The following NOS2 variants were observed in gnomAD, a reference collection of about 807,000 sequenced individuals.
NOS2 encodes nitric oxide synthase 2.
A neutral mutation model predicts 136.0 loss-of-function variants in NOS2; 96 were observed. The ratio of observed to expected loss-of-function variants is 0.71; its 90% CI spans 0.60 to 0.84. The LOEUF is 0.84. Ranked by LOEUF, NOS2 falls within the 40% of genes least tolerant of loss-of-function variation. The pLI, the probability that NOS2 is intolerant of heterozygous loss-of-function variation, is 0.00. For missense variants in NOS2, 1,237 were observed against 1,496.9 expected, an observed-to-expected ratio of 0.83 and a Z score of 2.87; for synonymous variants, 539 against 587.5, an observed-to-expected ratio of 0.92 and a Z score of 1.20.
intron 6 of NOS2, 109 bp from the exon 7 acceptor site, chr17:27,782,215 C>A: frequency 1.1e-6 from 1 of 882,168 alleles, no homozygotes; most frequent in Non-Finnish European, 1.8e-6. Flanking sequence ...ACTCAACACA[C>A]AAACACTCAA....
intron 18 of NOS2, among the ~76,000 whole-genome samples, chr17:27,767,112 G>A (rs758351886): frequency 1.4e-4 from 22 of 151,914 alleles, no homozygotes; most frequent in East Asian, 3.8e-4. Context: ...GGAAAGTCCC[G>A]GGACATCTCC....
Position 27,773,265 on chromosome 17 carries a change from T to C in NOS2, c.1477-22A>G, listed in dbSNP as rs750865955. 2.5e-6 allele frequency: 4 copies of C among 1,593,050 alleles called. No homozygotes were observed. In the African/African-American group the frequency reaches 5.4e-5, roughly 21 times the overall value. On this transcript the variant is annotated intron_variant, in intron 12 of 26. Transcript: ENST00000313735. ...CTACCTTCAGAAAAGAAAGGAGATGTGAGGGCAGGGCGGGGTCCTGGCTTG... is the reference window on the plus strand; with the variant it reads ...CTACCTTCAGAAAAGAAAGGAGATGCGAGGGCAGGGCGGGGTCCTGGCTTG...
intron 19 of NOS2, 39 bp downstream of exon 19, chr17:27,766,471 G>A (rs200382628): frequency 3.3e-5 from 49 of 1,501,660 alleles, no homozygotes; most frequent in Non-Finnish European, 4.4e-5. Flanking sequence ...AAATAAAATC[G>A]ACAGAGTATC....
chr17:27,762,109 G>C (rs1027742489), intron 22 of NOS2, among the ~76,000 whole-genome samples: 1 of 152,086 alleles, frequency 6.6e-6, no homozygotes, highest in Admixed American at 6.5e-5. Flanking sequence ...CCACCTGGAC[G>C]AGATGTTGGC....
intron 14 of NOS2, among the ~76,000 whole-genome samples, chr17:27,771,667 C>T (rs994132029): frequency 6.6e-6 from 1 of 152,274 alleles, no homozygotes; most frequent in African/African-American, 2.4e-5. Flanking sequence ...CTCCCAGAAG[C>T]CGTGCGACCC....
chr17:27,769,105 C>T lies in NOS2; in HGVS notation c.1906G>A (p.Ala636Thr), dbSNP rs201531464. The change falls in exon 17 of 27, where the codon GCC becomes ACC. Residue 636 changes from alanine to threonine, a missense_variant. Ala to Thr is a moderately conservative substitution (Grantham distance 58). This residue lies in a region of NOS2 where 782 missense variants were observed against 909.9 expected (regional missense o/e 0.86). Transcript: ENST00000313735. ...TTCTGATCAATGTCATGAGCAAAGGCGCAGAACCGAGGGTACATGCTGGAG... is the reference window on the plus strand; with the variant it reads ...TTCTGATCAATGTCATGAGCAAAGGTGCAGAACCGAGGGTACATGCTGGAG... ...LGSSMYPRFC[A>T]FAHDIDQKLS... 1.5e-4 allele frequency: 234 copies of T among 1,612,606 alleles called. No homozygotes were observed. The highest frequency in any genetic ancestry group is 1.8e-4 in the Non-Finnish European group (217 of 1,179,798).
intron 20 of NOS2, 35 bp downstream of exon 20, chr17:27,765,500 G>A: frequency 1.3e-6 from 2 of 1,544,422 alleles, no homozygotes; most frequent in Non-Finnish European, 1.7e-6. Flanking sequence ...GCCAGAGGGT[G>A]CCAGGCAGCA....
intron 17 of NOS2, 130 bp downstream of exon 17, chr17:27,768,847 C>T: frequency 9.7e-7 from 1 of 1,036,206 alleles, no homozygotes; most frequent in Non-Finnish European, 1.3e-6. Context: ...GGCCCTGGCC[C>T]ATGCCTGGGA....
intron 17 of NOS2, 70 bp from the exon 18 acceptor site, chr17:27,767,907 CT>C: frequency 6.3e-7 from 1 of 1,592,246 alleles, no homozygotes; most frequent in Non-Finnish European, 8.5e-7. Flanking sequence ...GGGGCTACCA[CT>C]TTTTAGGCCC....
rs538703223 is a variant in NOS2, at chr17:27,774,687, A to G, written c.1282-236T>C. On this transcript the variant is annotated intron_variant, in intron 11 of 26. Transcript: ENST00000313735. ...TAGTCAGGGTCAGCCCACAGGTCCC[A>G]TGGGGGCCTCCCTTAAGTCTTTGAG... 3.9e-5 allele frequency among the ~76,000 whole-genome samples: 6 copies of G among 152,342 alleles called. No homozygotes were observed. The East Asian group carries it at 1.2e-3, about 29-fold the overall frequency.
At chr17:27,782,180 T>C in intron 6 of NOS2, 74 bp from the exon 7 acceptor site, 1 of 1,335,486 alleles carries the variant, frequency 7.5e-7, no homozygotes, top group Non-Finnish European at 1.1e-6. Context: ...CAGAAGTCAC[T>C]GGGAATCAAT....
In NOS2 at chr17:27,781,016, G is replaced by T. The variant is rs1370937798; in HGVS notation, c.864+20C>A. The stretch of plus-strand genomic sequence containing the variant: ...GGGCTCCCCGCCCCAATGGCCGGTG[G>T]CTGAGGCTGGGCCGGGTACCTGAGT... On this transcript the variant is annotated intron_variant, in intron 8 of 26. Coordinates refer to ENST00000313735, the MANE Select transcript of NOS2 (RefSeq NM_000625.4). 2 of 1,610,162 alleles carry T rather than the reference G, an allele frequency of 1.2e-6. No homozygotes were observed. The highest frequency in any genetic ancestry group is 1.7e-6 in the Non-Finnish European group (2 of 1,177,642).
At chr17:27,765,795 A>G in intron 19 of NOS2, 79 bp from the exon 20 acceptor site, 2 of 1,398,524 alleles carry the variant, frequency 1.4e-6, no homozygotes, top group Admixed American at 4.7e-5. Flanking sequence ...GAGATTCCCC[A>G]GGAAATGTGC....
chr17:27,762,716 AG>A, intron 22 of NOS2, 81 bp downstream of exon 22: 1 of 1,010,036 alleles, frequency 9.9e-7, no homozygotes, highest in South Asian at 1.5e-5. Flanking sequence ...TGAACTGATG[AG>A]GGAGCTGAAT....
At chr17:27,768,519 C>T (rs765979088) in intron 17 of NOS2, among the ~76,000 whole-genome samples, 72 of 152,182 alleles carry the variant, frequency 4.7e-4, no homozygotes, top group African/African-American at 1.6e-3. Flanking sequence ...CGCTGAGTGA[C>T]GCTCTGCATG....
intron 6 of NOS2, 45 bp from the exon 7 acceptor site, chr17:27,782,151 C>T (rs1400045688): frequency 1.3e-6 from 2 of 1,569,570 alleles, no homozygotes; most frequent in Non-Finnish European, 1.7e-6. Context: ...ACTGGGTAGA[C>T]AGAGGCTTTG....
intron 5 of NOS2, among the ~76,000 whole-genome samples, chr17:27,785,558 G>A (rs1372457147): frequency 2.6e-5 from 4 of 152,122 alleles, no homozygotes; most frequent in Non-Finnish European, 5.9e-5. Flanking sequence ...GGCTTTCCAG[G>A]TAAGTCTACT....
chr17:27,798,605 G>C (rs1909430158), intron 2 of NOS2, 95 bp downstream of exon 2: 2 of 773,432 alleles, frequency 2.6e-6, no homozygotes, highest in Non-Finnish European at 4.6e-6. Flanking sequence ...TCAGGTGAGA[G>C]AGGAGGAGCA....
intron 24 of NOS2, 72 bp from the exon 25 acceptor site, chr17:27,760,250 T>C: frequency 6.9e-7 from 1 of 1,440,488 alleles, no homozygotes; most frequent in Non-Finnish European, 9.2e-7. Flanking sequence ...CCAACTGGAA[T>C]TCTCACTTCA....
Sources: gnomAD v4.1 joint callset for allele counts (sites outside exome capture counted in the v4.1 genomes callset) on GRCh38, gnomAD v4.1.1 for gene constraint, gnomAD v4.1.1 regional missense constraint, MANE v1.5 for transcripts, NCBI Gene and HGNC (gene_info 2026-07-23, HGNC 2026-07-21) for gene names.